Variants in CLDN10 observed in about 807,000 individuals in gnomAD.
The protein encoded by CLDN10 is claudin-10.
In CLDN10, 15 loss-of-function variants were observed where a neutral mutation model predicts 22.9. The observed-to-expected ratio is 0.65, with a 90% CI of 0.44 to 1.01. The LOEUF is 1.01. CLDN10 is among the 50% of genes least tolerant of loss of function. CLDN10 has a pLI of 0.00. For missense variants in CLDN10, 247 were observed against 287.8 expected (o/e 0.86, Z 1.03); for synonymous variants, 114 against 111.4 (o/e 1.02, Z -0.15).
chr13:95,500,165 C>T (rs560483844), intron 1 of CLDN10, among the ~76,000 whole-genome samples: 118 of 150,504 alleles, frequency 7.8e-4, no homozygotes, highest in African/African-American at 2.7e-3. Flanking sequence ...CGAATAAAGC[C>T]CAAAGGCTCC....
chr13:95,464,245 C>T (rs1421169436), intron 1 of CLDN10, among the ~76,000 whole-genome samples: 2 of 152,216 alleles, frequency 1.3e-5, no homozygotes, highest in South Asian at 2.1e-4. Flanking sequence ...AATGCTATCC[C>T]TCCCGCCTTC....
rs557184476 is a variant in CLDN10 at position 95,440,437 on chromosome 13, A to C, written c.214+6390A>C. ...ATGCTTATAGTCCCAGCACTTGGGGAGGCTGAAGCAGGAGGGTCACTTGAG... is the reference window on the plus strand; with the variant it reads ...ATGCTTATAGTCCCAGCACTTGGGGCGGCTGAAGCAGGAGGGTCACTTGAG... On this transcript the variant is annotated intron_variant, in intron 1 of 4. Coordinates refer to the CLDN10 transcript ENST00000376873. 1.4e-3 allele frequency among the ~76,000 whole-genome samples: 206 copies of C among 152,318 alleles called. 1 individual carries two copies. Among genetic ancestry groups the C allele is most frequent in the African/African-American group, 4.8e-3 (198 of 41,572 alleles).
intron 1 of CLDN10, among the ~76,000 whole-genome samples, chr13:95,499,577 A>G (rs2042963449): frequency 6.6e-6 from 1 of 152,104 alleles, no homozygotes; most frequent in Admixed American, 6.6e-5. Context: ...GGACTAAGTG[A>G]TTTGGATCTG....
At chr13:95,438,260 T>C (rs2042290834) in intron 1 of CLDN10, among the ~76,000 whole-genome samples, 1 of 152,192 alleles carries the variant, frequency 6.6e-6, no homozygotes, top group South Asian at 2.1e-4. Flanking sequence ...TATAATTTTA[T>C]TTATAAACAT....
chr13:95,577,247 GCT>G lies in CLDN10; in HGVS notation c.484_485del (p.Leu162ValfsTer23). The G allele has an allele frequency of 6.2e-7, 1 of 1,613,554 alleles. No individual in the cohort carries two copies. The highest frequency in any genetic ancestry group is 8.5e-7 in the Non-Finnish European group (1 of 1,179,496). On this transcript the variant is annotated frameshift_variant, in exon 4 of 5. Transcript: ENST00000299339. LOFTEE classifies it high-confidence loss of function. ...TTCTCACAGGTATGAATTAGGAGCC[GCT>G]CTGTTTATTGGATGGGCAGGAGCCT... Reference protein sequence around the residue: ...FVEQKYELGAALFIGWAGASL... With the variant: ...FVEQKYELGAXLFIGWAGASL...
chr13:95,455,036 G>T (rs894390068), intron 1 of CLDN10, among the ~76,000 whole-genome samples: 2 of 152,098 alleles, frequency 1.3e-5, no homozygotes, highest in Admixed American at 6.6e-5. Flanking sequence ...AACTAGCTGG[G>T]TGTGGTGGAG....
At chr13:95,569,731 T>C (rs2043830834) in intron 3 of CLDN10, among the ~76,000 whole-genome samples, 1 of 152,200 alleles carries the variant, frequency 6.6e-6, no homozygotes, top group Admixed American at 6.5e-5. Context: ...AATTCTAAAA[T>C]GTGCTCAGGT....
rs188711255 is a variant in CLDN10 at position 95,508,792 on chromosome 13, G to A, written c.215-51340G>A. 4.4e-4 allele frequency among the ~76,000 whole-genome samples: 67 copies of A among 152,352 alleles called. No homozygotes were observed. In the East Asian group the frequency reaches 6.4e-3, roughly 14 times the overall value. Reference sequence around the variant, plus strand: ...AAGTAATGAAGTAGTTGGAGGAGCCGGGTAGTCTGGTGGGTTCCAGGCTGA... The same window carrying A: ...AAGTAATGAAGTAGTTGGAGGAGCCAGGTAGTCTGGTGGGTTCCAGGCTGA... On this transcript the variant is annotated intron_variant, in intron 1 of 4. Transcript: ENST00000376873.
intron 1 of CLDN10, among the ~76,000 whole-genome samples, chr13:95,506,770 C>A (rs1432733303): frequency 6.6e-6 from 1 of 152,190 alleles, no homozygotes; most frequent in East Asian, 1.9e-4. Context: ...GACTAAAATT[C>A]TCTTTCTCCT....
chr13:95,509,371 T>C (rs1401536567), intron 1 of CLDN10, among the ~76,000 whole-genome samples: 1 of 152,186 alleles, frequency 6.6e-6, no homozygotes, highest in Non-Finnish European at 1.5e-5. Context: ...GCCATAAAGA[T>C]GGACCTATGC....
At chr13:95,500,292 G>T (rs940181461) in intron 1 of CLDN10, among the ~76,000 whole-genome samples, 9 of 152,214 alleles carry the variant, frequency 5.9e-5, no homozygotes, top group Non-Finnish European at 1.2e-4. Context: ...GTGAGGCGGG[G>T]TCTAAATAAG....
intron 1 of CLDN10, among the ~76,000 whole-genome samples, chr13:95,513,336 A>C (rs2138566275): frequency 6.6e-6 from 1 of 152,316 alleles, no homozygotes; most frequent in African/African-American, 2.4e-5. Context: ...TGAAGAAGAA[A>C]TTTTATAGTT....
At chr13:95,484,865 CAAAAAAAAAAAAAAAAAAAAAA>C (rs746231195) in intron 1 of CLDN10, among the ~76,000 whole-genome samples, 9 of 93,640 alleles carry the variant, frequency 9.6e-5, no homozygotes, top group African/African-American at 3.4e-4. Flanking sequence ...GACCCTGTCT[CAAAAAAAAAAAAAAAAAAAAAA>C]AAAAAAAAGA....
At chr13:95,475,203 A>T (rs930171707) in intron 1 of CLDN10, among the ~76,000 whole-genome samples, 7 of 152,202 alleles carry the variant, frequency 4.6e-5, no homozygotes, top group African/African-American at 1.7e-4. Context: ...TTAAGAGCCC[A>T]CCCCTGCCCC....
In CLDN10 at chr13:95,540,285, G is replaced by C. The variant is rs184588801; in HGVS notation, c.215-19847G>C. Among the ~76,000 whole-genome samples the C allele has an allele frequency of 1.6e-3, 234 of 148,002 alleles. 2 individuals are homozygous for C. Among genetic ancestry groups the C allele is most frequent in the African/African-American group, 5.6e-3 (223 of 39,994 alleles). ...ACTGCACTCCAGCCTGGGCAACAGA[G>C]GGAGACTCTGTCTCAAAAATAAATA... On this transcript the variant is annotated intron_variant, in intron 1 of 4. Transcript: ENST00000376873.
chr13:95,482,467 C>G (rs537808278), intron 1 of CLDN10, among the ~76,000 whole-genome samples: 1 of 152,186 alleles, frequency 6.6e-6, no homozygotes, highest in East Asian at 1.9e-4. Context: ...CTCACTGAGT[C>G]ATGTCTTTTG....
intron 1 of CLDN10, among the ~76,000 whole-genome samples, chr13:95,484,620 A>G (rs1177049815): frequency 6.6e-6 from 1 of 151,380 alleles, no homozygotes. Context: ...AGGTGGGCAG[A>G]TCACTTGAGG....
At chr13:95,512,553 C>T (rs1433335571) in intron 1 of CLDN10, among the ~76,000 whole-genome samples, 4 of 152,210 alleles carry the variant, frequency 2.6e-5, no homozygotes, top group Admixed American at 2.6e-4. Context: ...ATGATTTCAC[C>T]CAAGGACTGT....
chr13:95,464,679 G>T (rs112244315), intron 1 of CLDN10, among the ~76,000 whole-genome samples: 2,357 of 152,070 alleles, frequency 0.015, 71 homozygotes, highest in African/African-American at 0.054. Context: ...GATGACAAGG[G>T]TGTACATGTC....
Sources: allele counts gnomAD v4.1 joint callset (sites outside exome capture counted in the v4.1 genomes callset), GRCh38; gene constraint gnomAD v4.1.1; transcripts MANE v1.5; gene names NCBI Gene and HGNC (gene_info 2026-07-23, HGNC 2026-07-21).